EPC1: variants seen among roughly 807,000 people sequenced by gnomAD.
EPC1 encodes enhancer of polycomb homolog 1.
EPC1 carries 12 observed loss-of-function variants against 98.4 expected under a neutral mutation model. The observed-to-expected ratio is 0.12, with a 90% confidence interval of 0.08 to 0.20. The LOEUF (loss-of-function observed/expected upper bound fraction) is 0.20, where lower values mean the gene tolerates loss of function less well. Among genes scored for constraint, EPC1 ranks in the 10% least tolerant of loss-of-function variants. The pLI is 1.00. For missense variants in EPC1, 729 were observed against 990.5 expected (o/e 0.74, Z 3.54); for synonymous variants, 357 against 363.9 (o/e 0.98, Z 0.21).
At chr10:32,296,799 C>T (rs1408069732) in intron 2 of EPC1, among the ~76,000 whole-genome samples, 8 of 151,734 alleles carry the variant, frequency 5.3e-5, no homozygotes, top group African/African-American at 1.2e-4. Context: ...CCCAGCTACT[C>T]GGGAGGTTGA....
At chr10:32,274,990 G>A (rs1033584859) in intron 10 of EPC1, among the ~76,000 whole-genome samples, 3 of 152,136 alleles carry the variant, frequency 2.0e-5, no homozygotes, top group African/African-American at 7.2e-5. Flanking sequence ...CTAAGTTTGA[G>A]TGTTTTGCCT....
At chr10:32,346,441 G>C (rs753092328) in intron 1 of EPC1, 2 of 258,626 alleles carry the variant, frequency 7.7e-6, no homozygotes, top group East Asian at 1.0e-4. Context: ...GGATGCACAA[G>C]GCCCAACCCA....
intron 2 of EPC1, among the ~76,000 whole-genome samples, chr10:32,302,303 T>C (rs975187181): frequency 6.6e-6 from 1 of 151,984 alleles, no homozygotes; most frequent in Non-Finnish European, 1.5e-5. Context: ...TAGAATATTA[T>C]CTTTTTAAAA....
chr10:32,269,208 C>A, intron 13 of EPC1, 73 bp from the exon 14 acceptor site: 2 of 1,322,758 alleles, frequency 1.5e-6, no homozygotes, highest in Non-Finnish European at 1.1e-6. Flanking sequence ...ATCTTCCCAA[C>A]AAAAAGTTTA....
chr10:32,347,095 T>C lies in EPC1; in HGVS notation c.-180A>G, dbSNP rs1838895872. The stretch of plus-strand genomic sequence containing the variant: ...AGGGTGGGAGGCTGTGCCGCTCCGC[T>C]CCTCTCTCGCTCGCTCTCTTCAATA... On this transcript the variant is annotated 5_prime_UTR_variant, in exon 1 of 14. Coordinates refer to ENST00000319778, the MANE Select transcript of EPC1 (RefSeq NM_001272004.3). The C allele has an allele frequency of 6.9e-7, 1 of 1,442,348 alleles. No homozygotes were observed. The allele number at this position is 1,442,348 out of a possible 1,614,324, so 89.3% of individuals were successfully genotyped here.
intron 6 of EPC1, among the ~76,000 whole-genome samples, chr10:32,288,312 C>CTT (rs5784278): frequency 0.013 from 1,664 of 124,034 alleles, 54 homozygotes; most frequent in African/African-American, 0.05. Context: ...TTACTTTTTT[C>CTT]TTTTTTTTTT....
intron 1 of EPC1, among the ~76,000 whole-genome samples, chr10:32,375,128 G>T (rs113246295): frequency 3.5e-4 from 53 of 152,056 alleles, no homozygotes; most frequent in African/African-American, 1.1e-3. Flanking sequence ...CTTATGGAAA[G>T]TAGTAACACA....
chr10:32,345,712 T>G, intron 1 of EPC1: 5 of 806,818 alleles, frequency 6.2e-6, no homozygotes, highest in Non-Finnish European at 7.5e-6. Context: ...GTAAAATGTC[T>G]ATTAGTTGTC....
intron 6 of EPC1, 43 bp downstream of exon 6, chr10:32,291,120 C>G: frequency 1.3e-6 from 2 of 1,535,696 alleles, no homozygotes; most frequent in South Asian, 1.1e-5. Context: ...TGATAAAATA[C>G]CATCCCATTA....
intron 1 of EPC1, among the ~76,000 whole-genome samples, chr10:32,375,872 T>G (rs1300082718): frequency 6.6e-6 from 1 of 152,140 alleles, no homozygotes; most frequent in South Asian, 2.1e-4. Flanking sequence ...CTGCTAAATT[T>G]AATAAATAAA....
intron 2 of EPC1, among the ~76,000 whole-genome samples, chr10:32,294,027 T>C (rs1419207175): frequency 6.6e-6 from 1 of 152,164 alleles, no homozygotes; most frequent in East Asian, 1.9e-4. Context: ...ATTAAGAACA[T>C]AAAGCGATCA....
intron 1 of EPC1, among the ~76,000 whole-genome samples, chr10:32,321,307 T>C (rs960624069): frequency 1.3e-5 from 2 of 152,116 alleles, no homozygotes; most frequent in South Asian, 2.1e-4. Flanking sequence ...ATATTTACTA[T>C]CTGATTCTTT....
intron 6 of EPC1, among the ~76,000 whole-genome samples, chr10:32,289,080 C>T (rs1836854418): frequency 1.3e-5 from 2 of 151,516 alleles, no homozygotes; most frequent in South Asian, 4.1e-4. Context: ...CAGAGCAAGA[C>T]TCTGCCTTAA....
intron 1 of EPC1, among the ~76,000 whole-genome samples, chr10:32,346,063 C>T (rs12261018): frequency 0.12 from 18,970 of 152,198 alleles, 1,229 homozygotes; most frequent in Admixed American, 0.14. Flanking sequence ...TGGATACAAA[C>T]GTCCCAGAAA....
chr10:32,298,968 A>G (rs1835333998), intron 2 of EPC1, among the ~76,000 whole-genome samples: 1 of 152,154 alleles, frequency 6.6e-6, no homozygotes, highest in Non-Finnish European at 1.5e-5. Flanking sequence ...AAAAAACTTT[A>G]CTTAGAAGTC....
chr10:32,346,055 G>C (rs1024398180), intron 1 of EPC1, among the ~76,000 whole-genome samples: 1 of 152,194 alleles, frequency 6.6e-6, no homozygotes, highest in Admixed American at 6.5e-5. Flanking sequence ...GAGAGGGATG[G>C]ATACAAACGT....
intron 2 of EPC1, among the ~76,000 whole-genome samples, chr10:32,299,518 G>T (rs1835368549): frequency 6.8e-6 from 1 of 146,412 alleles, no homozygotes; most frequent in South Asian, 2.2e-4. Flanking sequence ...TGTTTTTTGG[G>T]TATGTCCCCC....
chr10:32,268,545 T>C lies in EPC1; in HGVS notation c.*518A>G, dbSNP rs1332136801. ...CCCAGAGGGGAACCAAGTTATGTTA[T>C]ACCATTTACAAAATACCAAGGAGTC... On this transcript the variant is annotated 3_prime_UTR_variant, in exon 14 of 14. Transcript: ENST00000319778. 6.6e-6 allele frequency: 1 copy of C among 150,590 alleles called. No individual in the cohort carries two copies. Among genetic ancestry groups the C allele is most frequent in the Non-Finnish European group, 1.5e-5 (1 of 67,916 alleles). 9.3% of individuals were successfully genotyped at this position (150,590 alleles called of 1,614,324 possible).
upstream of EPC1, chr10:32,347,280 C>T (rs912328679): frequency 9.7e-5 from 91 of 934,174 alleles, no homozygotes; most frequent in East Asian, 5.1e-4. Flanking sequence ...GTCCCGCCAA[C>T]CCCCGGCACC....
Sources: allele counts gnomAD v4.1 joint callset (sites outside exome capture counted in the v4.1 genomes callset), GRCh38; gene constraint gnomAD v4.1.1; transcripts MANE v1.5; gene names NCBI Gene and HGNC (gene_info 2026-07-23, HGNC 2026-07-21).